The following RASGRF2 variants were observed in gnomAD, a reference collection of about 807,000 sequenced individuals.
RASGRF2 encodes the protein Ras protein specific guanine nucleotide releasing factor 2, also known as ras-specific guanine nucleotide-releasing factor 2.
RASGRF2 carries 76 observed loss-of-function variants against 151.0 expected under a neutral mutation model. The ratio of observed to expected loss-of-function variants is 0.50; its 90% CI spans 0.42 to 0.61. RASGRF2 has a LOEUF of 0.61. Ranked by LOEUF, RASGRF2 falls within the 20% of genes least tolerant of loss-of-function variation. The probability of loss-of-function intolerance (pLI) is 0.00; values close to 1 mark genes in which losing one functional copy is unlikely to be tolerated. For synonymous variants in RASGRF2, 504 were observed against 566.5 expected (o/e 0.89, Z 1.57); for missense variants, 1,148 against 1,564.6 (o/e 0.73, Z 4.49).
intron 26 of RASGRF2, among the ~76,000 whole-genome samples, chr5:81,221,375 T>C (rs192695995): frequency 2.0e-5 from 3 of 152,342 alleles, no homozygotes; most frequent in Non-Finnish European, 2.9e-5. Flanking sequence ...CATTTATTTA[T>C]ATCAGTATGG....
At chr5:80,978,943 A>G (rs926642413) in intron 1 of RASGRF2, among the ~76,000 whole-genome samples, 10 of 152,226 alleles carry the variant, frequency 6.6e-5, no homozygotes, top group African/African-American at 1.2e-4. Context: ...ACAGCATTCT[A>G]TCACACAGAT....
chr5:80,978,647 C>T (rs547326090), intron 1 of RASGRF2, among the ~76,000 whole-genome samples: 3 of 152,112 alleles, frequency 2.0e-5, no homozygotes, highest in East Asian at 1.9e-4. Context: ...ATTAGCTGGG[C>T]GCGATGGCGG....
intron 2 of RASGRF2, among the ~76,000 whole-genome samples, chr5:81,057,377 GCAA>G (rs943207796): frequency 1.3e-5 from 2 of 152,118 alleles, no homozygotes; most frequent in African/African-American, 2.4e-5. Context: ...TTCTGGCCCA[GCAA>G]CAACAACTTT....
At chr5:81,160,380 C>A (rs1754353351) in intron 17 of RASGRF2, among the ~76,000 whole-genome samples, 1 of 152,024 alleles carries the variant, frequency 6.6e-6, no homozygotes, top group Non-Finnish European at 1.5e-5. Flanking sequence ...AGGATAGCAC[C>A]ACTGCACTCC....
At chr5:81,047,648 AGTCAGAT>A (rs1750879422) in intron 2 of RASGRF2, among the ~76,000 whole-genome samples, 1 of 152,264 alleles carries the variant, frequency 6.6e-6, no homozygotes, top group African/African-American at 2.4e-5. Context: ...TAAAGCTCAC[AGTCAGAT>A]GGTGTTTGGC....
At chr5:81,178,769 C>G (rs1054167496) in intron 17 of RASGRF2, among the ~76,000 whole-genome samples, 2 of 151,794 alleles carry the variant, frequency 1.3e-5, no homozygotes, top group East Asian at 3.9e-4. Context: ...GACGGAGTCT[C>G]GCTCTGTCGC....
At chr5:81,012,655 C>T (rs1251529227) in intron 1 of RASGRF2, among the ~76,000 whole-genome samples, 6 of 152,130 alleles carry the variant, frequency 3.9e-5, no homozygotes, top group Non-Finnish European at 8.8e-5. Flanking sequence ...CCAGCCACTT[C>T]AGACTGAGGT....
intron 1 of RASGRF2, among the ~76,000 whole-genome samples, chr5:80,967,327 G>A (rs576776198): frequency 6.6e-6 from 1 of 152,288 alleles, no homozygotes; most frequent in East Asian, 1.9e-4. Flanking sequence ...GGTGGAGGTT[G>A]CAGTTAGTCG....
Position 81,080,187 on chromosome 5 carries a change from C to A in RASGRF2, c.954C>A (p.Pro318=), listed in dbSNP as rs775155804. 8.8e-6 allele frequency: 14 copies of A among 1,598,092 alleles called. No individual in the cohort carries two copies. The highest frequency in any genetic ancestry group is 1.7e-4 in the Middle Eastern group (1 of 6,008). The part of the protein sequence containing the change: ...QGLKARIANW[P]TLILADLFDI... Reference sequence around the variant, plus strand: ...TAAAGGCAAGGATAGCAAACTGGCCCACTTTAATTTTAGGTAAGTGCATTC... The same window carrying A: ...TAAAGGCAAGGATAGCAAACTGGCCAACTTTAATTTTAGGTAAGTGCATTC... Residue 318 remains proline (P), a synonymous_variant, in exon 6 of 27, where the codon CCC becomes CCA. Coordinates refer to ENST00000265080, the MANE Select transcript of RASGRF2 (RefSeq NM_006909.3).
At chr5:81,173,688 G>A (rs1368446973) in intron 17 of RASGRF2, among the ~76,000 whole-genome samples, 1 of 152,158 alleles carries the variant, frequency 6.6e-6, no homozygotes, top group Non-Finnish European at 1.5e-5. Context: ...TTGGTTCAAT[G>A]GGCAATAGGG....
At chr5:81,203,983 T>TGGACCAA (rs1309300527) in intron 19 of RASGRF2, 2 of 152,266 alleles carry the variant, frequency 1.3e-5, no homozygotes, top group Non-Finnish European at 2.9e-5. Context: ...AAAGACAGTG[T>TGGACCAA]GGACCAATCC....
intron 1 of RASGRF2, among the ~76,000 whole-genome samples, chr5:80,986,054 A>G (rs1019953222): frequency 1.8e-4 from 28 of 152,188 alleles, no homozygotes; most frequent in Non-Finnish European, 4.4e-5. Context: ...ATAGTAGTTA[A>G]CAGGTGAGCC....
At chr5:81,030,222 C>G (rs1214449657) in intron 1 of RASGRF2, among the ~76,000 whole-genome samples, 2 of 152,190 alleles carry the variant, frequency 1.3e-5, no homozygotes, top group African/African-American at 4.8e-5. Flanking sequence ...TTGGAAAACA[C>G]TCTTCAGGGT....
intron 18 of RASGRF2, among the ~76,000 whole-genome samples, chr5:81,196,057 G>C (rs1580397298): frequency 6.6e-6 from 1 of 152,148 alleles, no homozygotes; most frequent in Non-Finnish European, 1.5e-5. Context: ...TCAGGAGTTC[G>C]AGACCAGCCT....
At chr5:81,007,491 C>T (rs926028088) in intron 1 of RASGRF2, among the ~76,000 whole-genome samples, 1 of 152,100 alleles carries the variant, frequency 6.6e-6, no homozygotes, top group Non-Finnish European at 1.5e-5. Flanking sequence ...CACACTGGCA[C>T]CAAGTGTTTA....
chr5:81,081,503 A>T (rs1262242640), intron 7 of RASGRF2, among the ~76,000 whole-genome samples: 2 of 152,220 alleles, frequency 1.3e-5, no homozygotes, highest in African/African-American at 4.8e-5. Flanking sequence ...CAAAATGTGC[A>T]TTGAATCTCC....
chr5:81,204,192 T>C (rs1169420025), intron 19 of RASGRF2: 2 of 152,236 alleles, frequency 1.3e-5, no homozygotes, highest in Non-Finnish European at 2.9e-5. Context: ...GGAATGTTCA[T>C]CAATGCCCAA....
chr5:81,018,507 T>C (rs1241551903), intron 1 of RASGRF2, among the ~76,000 whole-genome samples: 3 of 152,144 alleles, frequency 2.0e-5, no homozygotes, highest in Non-Finnish European at 4.4e-5. Context: ...GAAGCTCCCA[T>C]GAGTGTTAAA....
chr5:80,976,833 GCTACCA>G (rs1211748655), intron 1 of RASGRF2, among the ~76,000 whole-genome samples: 2 of 152,154 alleles, frequency 1.3e-5, no homozygotes, highest in Non-Finnish European at 2.9e-5. Flanking sequence ...CTTGATTTAT[GCTACCA>G]CTTTCTGGCC....
Sources: allele counts gnomAD v4.1 joint callset (sites outside exome capture counted in the v4.1 genomes callset), GRCh38; gene constraint gnomAD v4.1.1; transcripts MANE v1.5; gene names NCBI Gene and HGNC (gene_info 2026-07-23, HGNC 2026-07-21).